HEMK2: variants seen among roughly 807,000 people sequenced by gnomAD.
HEMK2 encodes the protein methyltransferase HEMK2.
the HEMK2 span, among the ~76,000 whole-genome samples, chr21:28,613,742 G>C: frequency 7.2e-6 from 1 of 139,782 alleles, no homozygotes; most frequent in Non-Finnish European, 1.5e-5. Flanking sequence ...ACATTTCCAA[G>C]ATAGCATTTG....
At chr21:28,694,116 A>G in the HEMK2 span, among the ~76,000 whole-genome samples, 1 of 152,228 alleles carries the variant, frequency 6.6e-6, no homozygotes, top group Admixed American at 6.5e-5. Context: ...CCTGTTTGTA[A>G]TTATTGGCCT....
chr21:28,681,755 CA>C, the HEMK2 span, among the ~76,000 whole-genome samples: 1 of 150,964 alleles, frequency 6.6e-6, no homozygotes, highest in African/African-American at 2.4e-5. Flanking sequence ...CGCATATTTA[CA>C]ACTATCTGAT....
At chr21:28,857,163 T>A in the HEMK2 span, among the ~76,000 whole-genome samples, 4 of 152,210 alleles carry the variant, frequency 2.6e-5, no homozygotes, top group African/African-American at 4.8e-5. Flanking sequence ...CCCAGAAGTA[T>A]GCTTATTAAT....
At chr21:28,745,502 CT>C in the HEMK2 span, among the ~76,000 whole-genome samples, 1 of 152,188 alleles carries the variant, frequency 6.6e-6, no homozygotes, top group Admixed American at 6.5e-5. Context: ...CCTCTCCTGC[CT>C]GTACCCCTCT....
the HEMK2 span, among the ~76,000 whole-genome samples, chr21:28,883,671 T>C: frequency 1.3e-5 from 2 of 152,226 alleles, no homozygotes; most frequent in African/African-American, 4.8e-5. Flanking sequence ...ATCTTCATTC[T>C]ACTGTACTTT....
the HEMK2 span, among the ~76,000 whole-genome samples, chr21:28,779,700 T>C: frequency 6.6e-6 from 1 of 152,202 alleles, no homozygotes; most frequent in African/African-American, 2.4e-5. Flanking sequence ...ACTTTCTCTC[T>C]AGATCTTTTC....
chr21:28,620,832 C>A, the HEMK2 span, among the ~76,000 whole-genome samples: 4 of 151,604 alleles, frequency 2.6e-5, no homozygotes, highest in Non-Finnish European at 5.9e-5. Context: ...TGCCACCACA[C>A]CCAGCTTATT....
At chr21:28,770,731 G>C in the HEMK2 span, among the ~76,000 whole-genome samples, 2 of 151,932 alleles carry the variant, frequency 1.3e-5, no homozygotes, top group Non-Finnish European at 2.9e-5. Context: ...ACAGCAAGAA[G>C]GCTCTTGCCA....
the HEMK2 span, among the ~76,000 whole-genome samples, chr21:28,685,248 T>G: frequency 2.0e-5 from 3 of 152,230 alleles, no homozygotes; most frequent in African/African-American, 7.2e-5. Flanking sequence ...TTTTCCTTTT[T>G]TAAGTCTTTT....
chr21:28,878,114 A>C, the HEMK2 span: 1 of 1,293,200 alleles, frequency 7.7e-7, no homozygotes, highest in Non-Finnish European at 1.1e-6. Flanking sequence ...AGGTTATCTT[A>C]TAAATTAAAG....
At chr21:28,651,834 G>T in the HEMK2 span, among the ~76,000 whole-genome samples, 1 of 152,086 alleles carries the variant, frequency 6.6e-6, no homozygotes, top group Non-Finnish European at 1.5e-5. Flanking sequence ...TTAAATAAAA[G>T]AAATAGGTGG....
chr21:28,862,895 G>A, the HEMK2 span, among the ~76,000 whole-genome samples: 1 of 152,116 alleles, frequency 6.6e-6, no homozygotes. Context: ...GGATTGGTGC[G>A]TTTCTGGTTG....
the HEMK2 span, among the ~76,000 whole-genome samples, chr21:28,688,998 A>C: frequency 3.3e-5 from 5 of 152,238 alleles, no homozygotes; most frequent in South Asian, 8.3e-4. Flanking sequence ...ACAATATGGC[A>C]CACAAAGCTG....
chr21:28,597,783 G>A, the HEMK2 span, among the ~76,000 whole-genome samples: 1 of 152,170 alleles, frequency 6.6e-6, no homozygotes, highest in Non-Finnish European at 1.5e-5. Flanking sequence ...AAGTTTCTAA[G>A]AGAAGGGAGA....
the HEMK2 span, among the ~76,000 whole-genome samples, chr21:28,863,585 G>A: frequency 6.6e-6 from 1 of 151,170 alleles, no homozygotes; most frequent in African/African-American, 2.4e-5. Context: ...GGAGATCACA[G>A]ACACTGGTGA....
At chr21:28,814,787 T>A in the HEMK2 span, among the ~76,000 whole-genome samples, 145 of 112,574 alleles carry the variant, frequency 1.3e-3, no homozygotes, top group Non-Finnish European at 2.0e-3. Flanking sequence ...TTGGTGGGAC[T>A]GTAAACTAGT....
At chr21:28,885,103 C>A in the HEMK2 span, 28 of 1,397,284 alleles carry the variant, frequency 2.0e-5, no homozygotes, top group Non-Finnish European at 1.9e-6. Context: ...CAAGTGGACC[C>A]CGCCTGCTCC....
chr21:28,770,953 G>A, the HEMK2 span, among the ~76,000 whole-genome samples: 1 of 152,040 alleles, frequency 6.6e-6, no homozygotes, highest in African/African-American at 2.4e-5. Context: ...AGTACCAAAT[G>A]CTGTCTCTCT....
the HEMK2 span, among the ~76,000 whole-genome samples, chr21:28,840,560 T>C: frequency 6.6e-6 from 1 of 152,054 alleles, no homozygotes; most frequent in African/African-American, 2.4e-5. Context: ...GAATAGACAA[T>C]TCTCAAAAGA....
Sources: allele counts gnomAD v4.1 joint callset (sites outside exome capture counted in the v4.1 genomes callset), GRCh38; gene constraint gnomAD v4.1.1; transcripts MANE v1.5; gene names NCBI Gene and HGNC (gene_info 2026-07-23, HGNC 2026-07-21).